The following AGTPBP1 variants were observed in gnomAD, a reference collection of about 807,000 sequenced individuals.
AGTPBP1 encodes the protein ATP/GTP binding carboxypeptidase 1.
Under a neutral mutation model 143.9 loss-of-function variants are expected in AGTPBP1, and 70 were observed. That is an observed-to-expected ratio of 0.49 (90% CI 0.40 to 0.59). The LOEUF (loss-of-function observed/expected upper bound fraction) is 0.59, where lower values mean the gene tolerates loss of function less well. AGTPBP1 is among the 20% of genes least tolerant of loss of function. The pLI is 0.00. For missense variants in AGTPBP1, 1,229 were observed against 1,464.5 expected, an observed-to-expected ratio of 0.84 and a Z score of 2.62; for synonymous variants, 463 against 500.2, an observed-to-expected ratio of 0.93 and a Z score of 0.99.
At chr9:85,606,909 G>T (rs932857538) in intron 17 of AGTPBP1, among the ~76,000 whole-genome samples, 6 of 151,964 alleles carry the variant, frequency 3.9e-5, no homozygotes, top group African/African-American at 1.4e-4. Flanking sequence ...GGGTGTGTGG[G>T]AGGGATAAGG....
At chr9:85,765,817 TAGG>T in the AGTPBP1 span, among the ~76,000 whole-genome samples, 1 of 152,176 alleles carries the variant, frequency 6.6e-6, no homozygotes, top group Non-Finnish European at 1.5e-5. Context: ...AGTTAAGAAA[TAGG>T]AGCAAGGATA....
chr9:85,706,699 T>C (rs1287081756), intron 2 of AGTPBP1, among the ~76,000 whole-genome samples: 3 of 150,926 alleles, frequency 2.0e-5, no homozygotes, highest in South Asian at 2.1e-4. Context: ...TAAAACCTCA[T>C]CTCTACTAAA....
intron 14 of AGTPBP1, among the ~76,000 whole-genome samples, chr9:85,631,409 T>C (rs1211981004): frequency 6.6e-6 from 1 of 152,262 alleles, no homozygotes; most frequent in Non-Finnish European, 1.5e-5. Flanking sequence ...GTTAGAGCTT[T>C]ACATGGGCCT....
At chr9:85,566,529 CAA>C (rs72129899) in intron 25 of AGTPBP1, among the ~76,000 whole-genome samples, 224 of 78,544 alleles carry the variant, frequency 2.9e-3, no homozygotes, top group African/African-American at 0.012. Context: ...GACCATGTCT[CAA>C]AAAAAAAAAA....
chr9:85,700,626 G>C (rs1205016193), intron 2 of AGTPBP1, among the ~76,000 whole-genome samples: 4 of 152,216 alleles, frequency 2.6e-5, no homozygotes, highest in Non-Finnish European at 5.9e-5. Context: ...GATGTAGGCA[G>C]ATGAGATGTG....
At chr9:85,779,212 G>GAT in the AGTPBP1 span, among the ~76,000 whole-genome samples, 6 of 141,536 alleles carry the variant, frequency 4.2e-5, no homozygotes, top group South Asian at 2.2e-4. Context: ...TATAGATATA[G>GAT]ATATAGATAT....
chr9:85,582,646 C>G (rs891621624), intron 23 of AGTPBP1, among the ~76,000 whole-genome samples: 1 of 151,952 alleles, frequency 6.6e-6, no homozygotes, highest in Admixed American at 6.6e-5. Flanking sequence ...TGCCACTACA[C>G]TCCGGCCTGG....
intron 2 of AGTPBP1, among the ~76,000 whole-genome samples, chr9:85,697,470 T>TG (rs1836334631): frequency 7.0e-6 from 1 of 143,034 alleles, no homozygotes; most frequent in Non-Finnish European, 1.5e-5. Flanking sequence ...TTTTTTTTTT[T>TG]GAGGCAGAGT....
chr9:85,624,953 G>A (rs910588041), intron 14 of AGTPBP1, among the ~76,000 whole-genome samples: 2 of 151,974 alleles, frequency 1.3e-5, no homozygotes, highest in African/African-American at 4.8e-5. Flanking sequence ...CCTCTATCAG[G>A]GTATAGACAG....
the AGTPBP1 span, among the ~76,000 whole-genome samples, chr9:85,777,814 T>C: frequency 6.6e-6 from 1 of 152,344 alleles, no homozygotes; most frequent in Non-Finnish European, 1.5e-5. Context: ...TATAACCGCA[T>C]ATCTGGCCAT....
intron 1 of AGTPBP1, chr9:85,741,457 G>A: frequency 1.0e-6 from 1 of 985,342 alleles, no homozygotes; most frequent in Non-Finnish European, 1.2e-6. Flanking sequence ...TGAGCAGAAA[G>A]GGCGGCCTCC....
chr9:85,627,739 A>C (rs976594999), intron 14 of AGTPBP1, among the ~76,000 whole-genome samples: 4 of 152,182 alleles, frequency 2.6e-5, no homozygotes, highest in South Asian at 2.1e-4. Flanking sequence ...AAGAATGAAG[A>C]CCTCTATGGT....
At chr9:85,677,401 C>A (rs752518048) in intron 6 of AGTPBP1, 35 bp downstream of exon 6, 2 of 1,580,272 alleles carry the variant, frequency 1.3e-6, no homozygotes, top group Admixed American at 3.7e-5. Context: ...AAAAATAGTT[C>A]TAGATACAAT....
chr9:85,603,363 C>T (rs577022635), intron 17 of AGTPBP1, among the ~76,000 whole-genome samples: 1 of 152,294 alleles, frequency 6.6e-6, no homozygotes, highest in African/African-American at 2.4e-5. Flanking sequence ...CCTGAGGCCA[C>T]CATTACAGGC....
At chr9:85,796,165 C>T in the AGTPBP1 span, among the ~76,000 whole-genome samples, 1 of 152,030 alleles carries the variant, frequency 6.6e-6, no homozygotes, top group African/African-American at 2.4e-5. Context: ...ATTATACATA[C>T]ATACATACAT....
intron 17 of AGTPBP1, among the ~76,000 whole-genome samples, chr9:85,616,905 G>C (rs566734588): frequency 2.0e-4 from 30 of 152,044 alleles, no homozygotes; most frequent in African/African-American, 6.0e-4. Context: ...TATACTTGCT[G>C]AACTTTTAGT....
intron 2 of AGTPBP1, among the ~76,000 whole-genome samples, chr9:85,704,443 T>C (rs1434345864): frequency 6.6e-6 from 1 of 152,210 alleles, no homozygotes; most frequent in Non-Finnish European, 1.5e-5. Flanking sequence ...CAGGGAATTG[T>C]GTCTGATCCC....
intron 9 of AGTPBP1, among the ~76,000 whole-genome samples, chr9:85,658,723 C>T (rs901544945): frequency 6.6e-5 from 10 of 152,066 alleles, no homozygotes; most frequent in Non-Finnish European, 1.2e-4. Flanking sequence ...TAAAACATAA[C>T]ACTGAGATAA....
intron 17 of AGTPBP1, among the ~76,000 whole-genome samples, chr9:85,607,606 A>G (rs1171047875): frequency 6.6e-6 from 1 of 152,158 alleles, no homozygotes; most frequent in Non-Finnish European, 1.5e-5. Context: ...AAATATAGAT[A>G]ATCAAAATAT....
Sources: gnomAD v4.1 joint callset for allele counts (sites outside exome capture counted in the v4.1 genomes callset) on GRCh38, gnomAD v4.1.1 for gene constraint, MANE v1.5 for transcripts, NCBI Gene and HGNC (gene_info 2026-07-23, HGNC 2026-07-21) for gene names.